ACTR3C: variants seen among roughly 807,000 people sequenced by gnomAD.
ACTR3C encodes the protein actin-related protein 3C.
In ACTR3C, 18 loss-of-function variants were observed where a neutral mutation model predicts 26.3. That is an observed-to-expected ratio of 0.68 (90% CI 0.47 to 1.01). The LOEUF (loss-of-function observed/expected upper bound fraction) is 1.01. Among genes scored for constraint, ACTR3C ranks in the 50% least tolerant of loss-of-function variants. ACTR3C has a pLI of 0.00. For synonymous variants in ACTR3C, 55 were observed against 94.5 expected (o/e 0.58, Z 2.42); for missense variants, 184 against 250.7 (o/e 0.73, Z 1.80).
chr7:149,943,073 C>T, the ACTR3C span, among the ~76,000 whole-genome samples: 1 of 152,074 alleles, frequency 6.6e-6, no homozygotes, highest in Non-Finnish European at 1.5e-5. Flanking sequence ...TCAGGCTACA[C>T]AATGGCGGGA....
chr7:150,126,640 C>T, the ACTR3C span, among the ~76,000 whole-genome samples: 1 of 152,168 alleles, frequency 6.6e-6, no homozygotes, highest in Non-Finnish European at 1.5e-5. Flanking sequence ...TCCTGCAGTG[C>T]CTTTAATAGG....
intron 6 of ACTR3C, among the ~76,000 whole-genome samples, chr7:150,275,695 G>C (rs934869273): frequency 2.0e-5 from 3 of 149,858 alleles, no homozygotes; most frequent in African/African-American, 7.5e-5. Context: ...TGGGTGACAA[G>C]AGCGAAAACT....
the ACTR3C span, among the ~76,000 whole-genome samples, chr7:149,911,284 C>A: frequency 6.6e-6 from 1 of 150,462 alleles, no homozygotes; most frequent in Admixed American, 6.6e-5. Context: ...TCACTAAAAT[C>A]ATCAAATCTG....
chr7:149,970,036 G>A, the ACTR3C span, among the ~76,000 whole-genome samples: 1 of 152,050 alleles, frequency 6.6e-6, no homozygotes, highest in African/African-American at 2.4e-5. Flanking sequence ...CTAGAAAATA[G>A]GGATATTTTG....
chr7:150,252,467 G>A (rs1832923339), intron 6 of ACTR3C, among the ~76,000 whole-genome samples: 1 of 152,152 alleles, frequency 6.6e-6, no homozygotes, highest in South Asian at 2.1e-4. Flanking sequence ...TGCAGAGGCT[G>A]AAAATGGTAA....
At chr7:150,111,458 T>TC in the ACTR3C span, among the ~76,000 whole-genome samples, 1 of 90,256 alleles carries the variant, frequency 1.1e-5, no homozygotes, top group African/African-American at 6.0e-5. Flanking sequence ...CCATACTCAC[T>TC]CCCCCACACT....
At chr7:150,017,406 G>GAGGTT in the ACTR3C span, among the ~76,000 whole-genome samples, 1 of 150,760 alleles carries the variant, frequency 6.6e-6, no homozygotes, top group African/African-American at 2.5e-5. Flanking sequence ...TCACAGACCA[G>GAGGTT]GTCCATTCTC....
At chr7:150,148,402 G>A in the ACTR3C span, among the ~76,000 whole-genome samples, 19 of 152,068 alleles carry the variant, frequency 1.2e-4, no homozygotes, top group Admixed American at 9.2e-4. Flanking sequence ...GCTTGCACCC[G>A]GGAGGCAGAG....
At chr7:149,953,257 C>A in the ACTR3C span, among the ~76,000 whole-genome samples, 1 of 149,412 alleles carries the variant, frequency 6.7e-6, no homozygotes, top group South Asian at 2.1e-4. Flanking sequence ...AAACATAGAG[C>A]TAAGTTGGAC....
the ACTR3C span, among the ~76,000 whole-genome samples, chr7:150,179,655 TTTA>T: frequency 6.6e-6 from 1 of 150,756 alleles, no homozygotes; most frequent in African/African-American, 2.5e-5. Flanking sequence ...TGGCTACAAT[TTTA>T]TTTTTTATTT....
intron 6 of ACTR3C, among the ~76,000 whole-genome samples, chr7:150,279,753 T>C (rs1185870305): frequency 6.6e-6 from 1 of 152,238 alleles, no homozygotes; most frequent in Non-Finnish European, 1.5e-5. Context: ...TCAAAGCCTT[T>C]CTTGATCCCC....
At chr7:149,942,907 T>C in the ACTR3C span, among the ~76,000 whole-genome samples, 2 of 151,674 alleles carry the variant, frequency 1.3e-5, no homozygotes, top group Non-Finnish European at 2.9e-5. Flanking sequence ...AAGGAACAAT[T>C]ATGTTTCACA....
chr7:150,034,155 C>T, the ACTR3C span, among the ~76,000 whole-genome samples: 1 of 151,920 alleles, frequency 6.6e-6, no homozygotes, highest in Non-Finnish European at 1.5e-5. Context: ...AATAGGGGGC[C>T]TTTATGTTCA....
At chr7:149,992,497 A>C in the ACTR3C span, among the ~76,000 whole-genome samples, 1 of 152,150 alleles carries the variant, frequency 6.6e-6, no homozygotes, top group Non-Finnish European at 1.5e-5. Context: ...AGGAAGCAAA[A>C]TTTCTCCAGG....
the ACTR3C span, among the ~76,000 whole-genome samples, chr7:149,922,611 A>G: frequency 2.0e-5 from 3 of 151,870 alleles, no homozygotes; most frequent in Admixed American, 1.3e-4. Flanking sequence ...TCCACACTTC[A>G]CTGGAAATTT....
At chr7:150,292,217 A>G (rs1434317238) in intron 3 of ACTR3C, among the ~76,000 whole-genome samples, 1 of 152,074 alleles carries the variant, frequency 6.6e-6, no homozygotes, top group African/African-American at 2.4e-5. Context: ...TATCTGTAAC[A>G]TAACAGAAGT....
chr7:149,935,966 T>C, the ACTR3C span, among the ~76,000 whole-genome samples: 1,147 of 152,284 alleles, frequency 7.5e-3, 12 homozygotes, highest in African/African-American at 0.026. Flanking sequence ...AGGCACTTAG[T>C]TATGCACAGT....
At chr7:150,148,587 T>G in the ACTR3C span, among the ~76,000 whole-genome samples, 1 of 152,272 alleles carries the variant, frequency 6.6e-6, no homozygotes. Flanking sequence ...TATGCCCACT[T>G]ATTTAAAAAA....
the ACTR3C span, among the ~76,000 whole-genome samples, chr7:150,023,989 A>G: frequency 6.7e-6 from 1 of 148,816 alleles, no homozygotes; most frequent in South Asian, 2.2e-4. Flanking sequence ...ACAGATTTAG[A>G]GGAGAAGGCA....
Sources: allele counts gnomAD v4.1 joint callset (sites outside exome capture counted in the v4.1 genomes callset), GRCh38; gene constraint gnomAD v4.1.1; transcripts MANE v1.5; gene names NCBI Gene and HGNC (gene_info 2026-07-23, HGNC 2026-07-21).